NREP: variants seen among roughly 807,000 people sequenced by gnomAD.
NREP encodes neuronal regeneration-related protein.
NREP carries 5 observed loss-of-function variants against 8.6 expected under a neutral mutation model. The observed-to-expected ratio is 0.58, with a 90% CI of 0.30 to 1.22. The LOEUF (loss-of-function observed/expected upper bound fraction) is 1.22. NREP is among the 50% of genes most tolerant of loss of function. The probability of loss-of-function intolerance (pLI) is 0.07; values close to 1 mark genes in which losing one functional copy is unlikely to be tolerated. For synonymous variants in NREP, 27 were observed against 28.0 expected (o/e 0.96, Z 0.11); for missense variants, 86 against 82.5 (o/e 1.04, Z -0.17).
At chr5:111,869,280 C>T (rs1753734549) in intron 2 of NREP, among the ~76,000 whole-genome samples, 1 of 152,210 alleles carries the variant, frequency 6.6e-6, no homozygotes, top group South Asian at 2.1e-4. Context: ...AATGATTCAT[C>T]TGCTCAGTGG....
chr5:111,883,447 T>G (rs1754143281), intron 2 of NREP, among the ~76,000 whole-genome samples: 1 of 152,034 alleles, frequency 6.6e-6, no homozygotes, highest in African/African-American at 2.4e-5. Flanking sequence ...ACCCAGGAAT[T>G]GAACTCAGCT....
chr5:111,885,906 G>A (rs1011525423), intron 2 of NREP, among the ~76,000 whole-genome samples: 4 of 152,124 alleles, frequency 2.6e-5, no homozygotes, highest in African/African-American at 7.2e-5. Context: ...CAGGACATAG[G>A]CATGGGCAAG....
At chr5:111,967,583 G>C (rs1352783198) in intron 2 of NREP, among the ~76,000 whole-genome samples, 1 of 152,120 alleles carries the variant, frequency 6.6e-6, no homozygotes, top group Admixed American at 6.5e-5. Context: ...CTCCAGCCAA[G>C]GCATTAGAAG....
At chr5:111,823,597 C>T (rs1246296092) in intron 2 of NREP, among the ~76,000 whole-genome samples, 2 of 151,934 alleles carry the variant, frequency 1.3e-5, no homozygotes, top group Non-Finnish European at 2.9e-5. Flanking sequence ...ATTTAATAGA[C>T]AAGTATAAAA....
chr5:111,903,191 C>A (rs1234665001), intron 2 of NREP, among the ~76,000 whole-genome samples: 1 of 146,200 alleles, frequency 6.8e-6, no homozygotes, highest in Non-Finnish European at 1.5e-5. Context: ...TCAAATGATT[C>A]TTGTGCCTCA....
chr5:111,917,752 G>A (rs532549500), intron 2 of NREP, among the ~76,000 whole-genome samples: 804 of 152,140 alleles, frequency 5.3e-3, no homozygotes, highest in Non-Finnish European at 8.6e-3. Flanking sequence ...AGCCAATATC[G>A]TACTGAATGG....
intron 2 of NREP, among the ~76,000 whole-genome samples, chr5:111,902,211 T>A (rs1754664234): frequency 6.6e-6 from 1 of 151,906 alleles, no homozygotes; most frequent in African/African-American, 2.4e-5. Flanking sequence ...GGACCCTCTC[T>A]TAAATAAATG....
At chr5:111,856,404 C>G (rs1753428522) in intron 2 of NREP, among the ~76,000 whole-genome samples, 1 of 152,076 alleles carries the variant, frequency 6.6e-6, no homozygotes, top group Non-Finnish European at 1.5e-5. Context: ...GCGACCTAAA[C>G]AAAAAACTCA....
At chr5:111,866,030 C>T (rs1287934070) in intron 2 of NREP, among the ~76,000 whole-genome samples, 1 of 152,160 alleles carries the variant, frequency 6.6e-6, no homozygotes, top group Non-Finnish European at 1.5e-5. Context: ...AAATGCAGAG[C>T]TCTCTTGTGG....
chr5:111,736,675 A>G (rs997770305), intron 2 of NREP, among the ~76,000 whole-genome samples: 7 of 152,130 alleles, frequency 4.6e-5, no homozygotes, highest in Admixed American at 2.6e-4. Flanking sequence ...GAATAATTGA[A>G]CAGTAACTAA....
intron 2 of NREP, among the ~76,000 whole-genome samples, chr5:111,970,761 G>A (rs1756790502): frequency 7.1e-6 from 1 of 141,800 alleles, no homozygotes; most frequent in Admixed American, 7.7e-5. Context: ...AGGAGGCGGA[G>A]GTTGCAGTGA....
intron 2 of NREP, among the ~76,000 whole-genome samples, chr5:111,791,710 C>T (rs1183163459): frequency 6.6e-6 from 1 of 152,172 alleles, no homozygotes; most frequent in African/African-American, 2.4e-5. Context: ...TGGGCTCAAG[C>T]AATCTTCCTG....
chr5:111,822,651 T>G (rs1752536702), intron 2 of NREP, among the ~76,000 whole-genome samples: 1 of 152,230 alleles, frequency 6.6e-6, no homozygotes, highest in African/African-American at 2.4e-5. Context: ...ATTCAGAGTC[T>G]GAAATTTTCT....
chr5:111,748,588 T>C (rs887042342), intron 2 of NREP, among the ~76,000 whole-genome samples: 7 of 152,158 alleles, frequency 4.6e-5, no homozygotes, highest in African/African-American at 1.7e-4. Context: ...AAGGTCTCAT[T>C]AGGAAATGTC....
At chr5:111,975,126 T>A (rs1008293385) in intron 2 of NREP, 1 of 629,754 alleles carries the variant, frequency 1.6e-6, no homozygotes, top group East Asian at 2.8e-5. Flanking sequence ...GGAAATAGGC[T>A]GAAAAGCCTG....
chr5:111,904,295 A>G (rs191719227), intron 2 of NREP, among the ~76,000 whole-genome samples: 18 of 152,276 alleles, frequency 1.2e-4, no homozygotes, highest in Admixed American at 6.5e-4. Flanking sequence ...AATGTCACAT[A>G]TCTATCATGG....
chr5:111,842,794 A>G (rs1288545401), intron 2 of NREP, among the ~76,000 whole-genome samples: 2 of 152,212 alleles, frequency 1.3e-5, no homozygotes, highest in South Asian at 2.1e-4. Flanking sequence ...CTTTTCTGAG[A>G]AAGTCGTTAT....
upstream of NREP, among the ~76,000 whole-genome samples, chr5:111,759,555 A>G (rs188405457): frequency 6.6e-6 from 1 of 151,756 alleles, no homozygotes; most frequent in East Asian, 1.9e-4. Context: ...CTCTTGGCCA[A>G]TTTTTCTTCA....
chr5:111,782,352 A>G (rs1373253009), intron 2 of NREP, among the ~76,000 whole-genome samples: 1 of 152,204 alleles, frequency 6.6e-6, no homozygotes, highest in East Asian at 1.9e-4. Flanking sequence ...GTCCTAACCT[A>G]AAGCACTTTG....
Sources: allele counts gnomAD v4.1 joint callset (sites outside exome capture counted in the v4.1 genomes callset), GRCh38; gene constraint gnomAD v4.1.1; transcripts MANE v1.5; gene names NCBI Gene and HGNC (gene_info 2026-07-23, HGNC 2026-07-21).